The following DCAF8L2 variants were observed in gnomAD, a reference collection of about 807,000 sequenced individuals.
DCAF8L2 encodes the protein DDB1 and CUL4 associated factor 8 like 2, also known as DDB1- and CUL4-associated factor 8-like protein 2.
For synonymous variants in DCAF8L2, 200 were observed against 190.9 expected (o/e 1.05, Z -0.39); for missense variants, 430 against 490.7 (o/e 0.88, Z 1.17).
At chrX:27,514,675 A>C in the DCAF8L2 span, among the ~76,000 whole-genome samples, 1 of 68,293 alleles carries the variant, frequency 1.5e-5, no homozygotes, top group Admixed American at 1.7e-4. Context: ...TCTCAAAAAA[A>C]AAAAAAAAAA....
chrX:27,519,738 A>T, the DCAF8L2 span: 6 of 563,129 alleles, frequency 1.1e-5, no homozygotes, highest in African/African-American at 9.0e-5. Context: ...CATTAAGTTC[A>T]GAATTAGCCC....
At position 27,747,415 on chromosome X, in the gene DCAF8L2, T is replaced by G; in HGVS notation, c.520T>G (p.Trp174Gly). The G allele has an allele frequency of 8.6e-7, 1 of 1,167,470 alleles. No individual in the cohort carries two copies. The highest frequency in any genetic ancestry group is 1.1e-6 in the Non-Finnish European group (1 of 873,925). The stretch of plus-strand genomic sequence containing the variant: ...AGAGGAGGATCAGGCGCTGGAGGAG[T>G]GGGTTTCCTCAGAGACATCTGCCCT... ...SLEEDQALEEWVSSETSALPR... is the reference protein window; with the variant it reads ...SLEEDQALEEGVSSETSALPR... Residue 174 changes from tryptophan (W) to glycine (G), a missense_variant, in exon 5 of 5, where the codon TGG becomes GGG. Physicochemically the swap from Trp to Gly is radical, Grantham distance 184 (BLOSUM62 -2). Transcript: ENST00000451261.
chrX:27,484,851 G>C, the DCAF8L2 span, among the ~76,000 whole-genome samples: 2 of 111,072 alleles, frequency 1.8e-5, no homozygotes, highest in Non-Finnish European at 3.8e-5. Context: ...TATGAACAAA[G>C]GCAAAATGAT....
chrX:27,563,723 C>T, the DCAF8L2 span, among the ~76,000 whole-genome samples: 10 of 112,278 alleles, frequency 8.9e-5, no homozygotes, highest in Non-Finnish European at 1.3e-4. Flanking sequence ...ATGGCAGATA[C>T]ACTCCCCATT....
the DCAF8L2 span, among the ~76,000 whole-genome samples, chrX:27,473,196 C>A: frequency 8.9e-6 from 1 of 112,081 alleles, no homozygotes; most frequent in Non-Finnish European, 1.9e-5. Context: ...ATGTGAAAAA[C>A]CATTTCTAAA....
At chrX:27,584,316 A>C in the DCAF8L2 span, among the ~76,000 whole-genome samples, 1 of 110,735 alleles carries the variant, frequency 9.0e-6, no homozygotes, top group Non-Finnish European at 1.9e-5. Context: ...ACACACATAT[A>C]CACACACCAT....
At chrX:27,608,244 A>C (rs749726749) in intron 1 of DCAF8L2, among the ~76,000 whole-genome samples, 100 of 111,830 alleles carry the variant, frequency 8.9e-4, no homozygotes, top group African/African-American at 3.2e-3. Context: ...ACTCAAAATT[A>C]AACAGTTTTC....
the DCAF8L2 span, among the ~76,000 whole-genome samples, chrX:27,486,923 C>T: frequency 9.0e-6 from 1 of 111,293 alleles, no homozygotes; most frequent in African/African-American, 3.3e-5. Flanking sequence ...TCATTCTAGT[C>T]TTCAGGATTG....
chrX:27,497,822 C>T, the DCAF8L2 span, among the ~76,000 whole-genome samples: 11 of 111,906 alleles, frequency 9.8e-5, no homozygotes, highest in African/African-American at 3.2e-4. Flanking sequence ...CCGCCTCGGC[C>T]TCCCAAAGTG....
the DCAF8L2 span, among the ~76,000 whole-genome samples, chrX:27,541,869 A>C: frequency 3.4e-3 from 371 of 110,506 alleles, 1 homozygote; most frequent in African/African-American, 0.011. Flanking sequence ...GTAGTCCCCA[A>C]TATCTGTTTT....
chrX:27,677,383 A>C (rs1014860476), intron 2 of DCAF8L2, among the ~76,000 whole-genome samples: 2 of 112,103 alleles, frequency 1.8e-5, no homozygotes, highest in African/African-American at 6.5e-5. Context: ...AAATGTAGAA[A>C]TGTCTCTATG....
At chrX:27,567,348 G>A in the DCAF8L2 span, among the ~76,000 whole-genome samples, 2 of 107,465 alleles carry the variant, frequency 1.9e-5, no homozygotes, top group South Asian at 8.2e-4. Context: ...CTATTATTTT[G>A]TTGCTGTCAA....
At chrX:27,567,498 G>T in the DCAF8L2 span, among the ~76,000 whole-genome samples, 2 of 94,818 alleles carry the variant, frequency 2.1e-5, no homozygotes, top group East Asian at 6.7e-4. Flanking sequence ...TCCCTCTAGA[G>T]ACAGTGTTAG....
chrX:27,549,111 TA>T, the DCAF8L2 span, among the ~76,000 whole-genome samples: 1 of 111,999 alleles, frequency 8.9e-6, no homozygotes, highest in Non-Finnish European at 1.9e-5. Flanking sequence ...TAAGTATTTT[TA>T]TTGTAGAATC....
At chrX:27,579,454 G>A in the DCAF8L2 span, among the ~76,000 whole-genome samples, 3 of 110,480 alleles carry the variant, frequency 2.7e-5, no homozygotes. Flanking sequence ...TAATGCATGT[G>A]GGGCTTAATA....
At chrX:27,522,319 G>A in the DCAF8L2 span, among the ~76,000 whole-genome samples, 5 of 112,229 alleles carry the variant, frequency 4.5e-5, no homozygotes, top group African/African-American at 1.6e-4. Context: ...GAGCCACCGT[G>A]CCCGGCCCCC....
intron 3 of DCAF8L2, among the ~76,000 whole-genome samples, chrX:27,692,103 T>C (rs1453654563): frequency 1.8e-5 from 2 of 111,764 alleles, no homozygotes; most frequent in Non-Finnish European, 3.8e-5. Context: ...GTATAGTTTA[T>C]TTCAAAAAGT....
chrX:27,632,678 C>T (rs1928339473), intron 2 of DCAF8L2: 1 of 111,316 alleles, frequency 9.0e-6, no homozygotes, highest in South Asian at 3.7e-4. Context: ...TGTGTCTTTG[C>T]TCAAGTCCCA....
intron 3 of DCAF8L2, among the ~76,000 whole-genome samples, chrX:27,698,364 G>T (rs1301392426): frequency 9.0e-6 from 1 of 111,728 alleles, no homozygotes; most frequent in Non-Finnish European, 1.9e-5. Context: ...AGCCTACTGG[G>T]CCAAGTTACC....
Sources: gnomAD v4.1 joint callset for allele counts (sites outside exome capture counted in the v4.1 genomes callset) on GRCh38, gnomAD v4.1.1 for gene constraint, MANE v1.5 for transcripts, NCBI Gene and HGNC (gene_info 2026-07-23, HGNC 2026-07-21) for gene names.